APBB1IP: variants seen among roughly 807,000 people sequenced by gnomAD.
APBB1IP encodes amyloid beta A4 precursor protein-binding family B member 1-interacting protein.
Under a neutral mutation model 64.9 loss-of-function variants are expected in APBB1IP, and 27 were observed. The observed-to-expected ratio is 0.42, with a 90% CI of 0.31 to 0.57. APBB1IP has a LOEUF of 0.57. APBB1IP is among the 20% of genes least tolerant of loss of function. APBB1IP has a pLI of 0.20. For missense variants in APBB1IP, 812 were observed against 845.5 expected, an observed-to-expected ratio of 0.96 and a Z score of 0.49; for synonymous variants, 392 against 331.0, an observed-to-expected ratio of 1.18 and a Z score of -2.00.
chr10:26,483,492 T>G (rs1835859571), intron 2 of APBB1IP, among the ~76,000 whole-genome samples: 1 of 152,216 alleles, frequency 6.6e-6, no homozygotes, highest in African/African-American at 2.4e-5. Context: ...TTATTTTTAT[T>G]ATTATCAGGC....
chr10:26,551,267 G>T (rs1049146108), intron 11 of APBB1IP, among the ~76,000 whole-genome samples: 2 of 152,126 alleles, frequency 1.3e-5, no homozygotes, highest in African/African-American at 4.8e-5. Context: ...CTCTCCATAG[G>T]CCCATGCAGA....
At chr10:26,559,556 C>T (rs552776278) in intron 11 of APBB1IP, among the ~76,000 whole-genome samples, 51 of 151,976 alleles carry the variant, frequency 3.4e-4, no homozygotes, top group African/African-American at 1.2e-3. Flanking sequence ...CAGGACAACT[C>T]TGCCTCTAAA....
intron 2 of APBB1IP, among the ~76,000 whole-genome samples, chr10:26,446,879 G>GAGAT (rs1835404904): frequency 1.7e-5 from 2 of 117,734 alleles, no homozygotes; most frequent in South Asian, 2.9e-4. Flanking sequence ...GATAGAGAGA[G>GAGAT]AGATAGATAG....
At chr10:26,534,859 G>A (rs1192929620) in intron 9 of APBB1IP, among the ~76,000 whole-genome samples, 1 of 152,194 alleles carries the variant, frequency 6.6e-6, no homozygotes, top group Admixed American at 6.5e-5. Context: ...TCGTTATCCT[G>A]CTGTCTAATT....
In APBB1IP at chr10:26,536,249, A is replaced by G. The variant is rs149577258; in HGVS notation, c.1044+32A>G. 2,908 of 1,549,816 alleles carry G rather than the reference A, an allele frequency of 1.9e-3. 53 individuals are homozygous for G. In the African/African-American group the frequency reaches 0.037, roughly 20 times the overall value. On this transcript the variant is annotated intron_variant, in intron 10 of 14. Transcript: ENST00000376236. ...AAAAAAAAAAAAAAAGCACTTAGCAATAAAGCATTTCATGAGAATGAAACT... is the reference window on the plus strand; with the variant it reads ...AAAAAAAAAAAAAAAGCACTTAGCAGTAAAGCATTTCATGAGAATGAAACT...
Position 26,533,530 on chromosome 10 carries a change from G to A in APBB1IP, c.900+5G>A, listed in dbSNP as rs1341976463. The A allele has an allele frequency of 6.3e-7, 1 of 1,578,642 alleles. No individual in the cohort carries two copies. Among genetic ancestry groups the A allele is most frequent in the South Asian group, 1.2e-5 (1 of 84,894 alleles). The stretch of plus-strand genomic sequence containing the variant: ...AACAAGGAATCCTTACTTGAGGTAA[G>A]GTTAATTTTGCAGAGTGGAAGAAAA... On this transcript the variant is annotated splice_donor_5th_base_variant and intron_variant, in intron 9 of 14. Coordinates refer to ENST00000376236, the MANE Select transcript of APBB1IP (RefSeq NM_019043.4).
chr10:26,457,075 G>A (rs1050222809), intron 2 of APBB1IP, among the ~76,000 whole-genome samples: 3 of 152,140 alleles, frequency 2.0e-5, no homozygotes, highest in African/African-American at 7.2e-5. Context: ...TGTTTCTTTA[G>A]CAAGAGAGGG....
chr10:26,445,192 G>GAAAC (rs1835383607), intron 2 of APBB1IP, among the ~76,000 whole-genome samples: 1 of 142,126 alleles, frequency 7.0e-6, no homozygotes, highest in African/African-American at 2.6e-5. Flanking sequence ...AAGAAAGAAA[G>GAAAC]AAAAGGGGAC....
intron 2 of APBB1IP, among the ~76,000 whole-genome samples, chr10:26,488,064 G>A (rs1393203449): frequency 6.6e-6 from 1 of 152,054 alleles, no homozygotes; most frequent in East Asian, 1.9e-4. Flanking sequence ...CAGATAGAAA[G>A]CAATTCACAT....
chr10:26,498,455 G>A (rs917836067), intron 4 of APBB1IP, among the ~76,000 whole-genome samples: 2 of 152,158 alleles, frequency 1.3e-5, no homozygotes, highest in Non-Finnish European at 2.9e-5. Context: ...GTTGCAGTGA[G>A]CCAAGATCAT....
In APBB1IP at chr10:26,541,683, T is replaced by C. The variant is rs1379863625; in HGVS notation, c.1146T>C (p.Phe382=). ...MKYKAPTDYC[F]VLKHPQIQKE... is the part of the protein sequence containing the mutation. ...ATAAAGCGCCCACTGACTATTGCTT[T>C]GTTTTAAAGGTATGTTATAAGAAGT... The change falls in exon 11 of 15, where the codon TTT becomes TTC. Residue 382 remains phenylalanine, a synonymous_variant. Transcript: ENST00000376236. The C allele has an allele frequency of 6.2e-7, 1 of 1,600,800 alleles. No individual in the cohort carries two copies. Among genetic ancestry groups the C allele is most frequent in the Admixed American group, 1.7e-5 (1 of 58,738 alleles).
Position 26,539,140 on chromosome 10 carries a change from G to A in APBB1IP, c.1045-2442G>A, listed in dbSNP as rs1020289056. ...AGAAAACAGAGGCTGGCTGGGTGCG[G>A]TGGCTCATGCCTCTAATTCCAGAAC... On this transcript the variant is annotated intron_variant, in intron 10 of 14. Coordinates refer to ENST00000376236, the MANE Select transcript of APBB1IP (RefSeq NM_019043.4). Among the ~76,000 whole-genome samples, 3 of 152,226 alleles carry A rather than the reference G, an allele frequency of 2.0e-5. No homozygotes were observed. In the South Asian group the frequency reaches 6.2e-4, roughly 31 times the overall value.
Position 26,510,922 on chromosome 10 carries a change from A to G in APBB1IP, c.532-825A>G, listed in dbSNP as rs539523971. Among the ~76,000 whole-genome samples the G allele has an allele frequency of 3.3e-5, 5 of 152,296 alleles. No homozygotes were observed. The South Asian group carries it at 1.0e-3, about 32-fold the overall frequency. ...GCCCCCTCAGTGATACCGTGTTAACATACGCTCTGTGGACCTTTAGAGAAT... is the reference window on the plus strand; with the variant it reads ...GCCCCCTCAGTGATACCGTGTTAACGTACGCTCTGTGGACCTTTAGAGAAT... On this transcript the variant is annotated intron_variant, in intron 6 of 14. Transcript: ENST00000376236.
chr10:26,451,118 T>C (rs961803168), intron 2 of APBB1IP, among the ~76,000 whole-genome samples: 3 of 152,144 alleles, frequency 2.0e-5, no homozygotes, highest in Non-Finnish European at 2.9e-5. Context: ...AGAGCAATTA[T>C]AAGAAATGAA....
At chr10:26,540,934 C>CT (rs112339018) in intron 10 of APBB1IP, among the ~76,000 whole-genome samples, 2,209 of 140,082 alleles carry the variant, frequency 0.016, 46 homozygotes, top group African/African-American at 0.049. Flanking sequence ...CTGAGGGGGA[C>CT]TTTTTTTTTT....
rs551013238 is a variant in APBB1IP, at chr10:26,533,473, G to A, written c.848G>A (p.Ser283Asn). The A allele has an allele frequency of 2.5e-6, 4 of 1,604,188 alleles. No homozygotes were observed. Among genetic ancestry groups the A allele is most frequent in the Admixed American group, 1.7e-5 (1 of 58,218 alleles). Residue 283 changes from serine to asparagine, a missense_variant, in exon 9 of 15, where the codon AGC becomes AAC. Ser to Asn is a conservative substitution (Grantham distance 46). Transcript: ENST00000376236. ...TTGGATAACAGAGGAAAAAAAGAAA[G>A]CAAGGAAACTAATGAGAAAATGAAT... is the stretch of plus-strand genomic sequence containing the variant. ...FYLDNRGKKESKETNEKMNAK... is the reference protein window; with the variant it reads ...FYLDNRGKKENKETNEKMNAK...
At chr10:26,466,805 G>T (rs1327307862) in intron 2 of APBB1IP, among the ~76,000 whole-genome samples, 1 of 151,764 alleles carries the variant, frequency 6.6e-6, no homozygotes, top group Non-Finnish European at 1.5e-5. Context: ...GCATGGTGGC[G>T]CATACCTGTA....
chr10:26,463,345 C>T (rs190836790), intron 2 of APBB1IP, among the ~76,000 whole-genome samples: 23 of 152,174 alleles, frequency 1.5e-4, no homozygotes, highest in Admixed American at 1.1e-3. Flanking sequence ...GAGGCTAAGG[C>T]GAGAGAATTA....
At chr10:26,475,124 C>A (rs1297109332) in intron 2 of APBB1IP, among the ~76,000 whole-genome samples, 1 of 138,170 alleles carries the variant, frequency 7.2e-6, no homozygotes, top group African/African-American at 2.6e-5. Flanking sequence ...TTTTTCTTTT[C>A]TTTTTTTTTT....
Sources: allele counts gnomAD v4.1 joint callset (sites outside exome capture counted in the v4.1 genomes callset), GRCh38; gene constraint gnomAD v4.1.1; transcripts MANE v1.5; gene names NCBI Gene and HGNC (gene_info 2026-07-23, HGNC 2026-07-21).